The following DOCK2 variants were observed in gnomAD, a reference collection of about 807,000 sequenced individuals.
DOCK2 encodes dedicator of cytokinesis 2.
In DOCK2, 87 loss-of-function variants were observed where a neutral mutation model predicts 248.9. That is an observed-to-expected ratio of 0.35 (90% CI 0.29 to 0.42). DOCK2 has a LOEUF of 0.42. DOCK2 is among the 10% of genes least tolerant of loss of function. The pLI is 1.00. For missense variants in DOCK2, 1,747 were observed against 2,300.2 expected, an observed-to-expected ratio of 0.76 and a Z score of 4.92; for synonymous variants, 805 against 821.6, an observed-to-expected ratio of 0.98 and a Z score of 0.35.
At chr5:169,651,062 A>T (rs532052700) in intron 1 of DOCK2, among the ~76,000 whole-genome samples, 2 of 152,310 alleles carry the variant, frequency 1.3e-5, no homozygotes, top group South Asian at 4.1e-4. Context: ...GAGAGTGGTT[A>T]GGCCCATCTT....
At chr5:169,783,464 G>A (rs1765819296) in intron 25 of DOCK2, among the ~76,000 whole-genome samples, 1 of 152,100 alleles carries the variant, frequency 6.6e-6, no homozygotes, top group Non-Finnish European at 1.5e-5. Flanking sequence ...TTATAGTGGG[G>A]TTAAATGTGA....
At chr5:169,787,419 C>T (rs1412798320) in intron 25 of DOCK2, among the ~76,000 whole-genome samples, 1 of 152,188 alleles carries the variant, frequency 6.6e-6, no homozygotes, top group Non-Finnish European at 1.5e-5. Flanking sequence ...AAGTCATTGA[C>T]TGTTACTCCC....
At chr5:169,844,710 T>G (rs1170604307) in intron 27 of DOCK2, among the ~76,000 whole-genome samples, 2 of 151,740 alleles carry the variant, frequency 1.3e-5, no homozygotes, top group Non-Finnish European at 2.9e-5. Context: ...TGAATGATAT[T>G]GATCACATTT....
At chr5:169,934,371 C>G (rs778099364) in intron 27 of DOCK2, among the ~76,000 whole-genome samples, 3 of 152,160 alleles carry the variant, frequency 2.0e-5, no homozygotes, top group Non-Finnish European at 4.4e-5. Context: ...GCCAATACCA[C>G]CCTGTGTTGT....
intron 22 of DOCK2, among the ~76,000 whole-genome samples, chr5:169,746,093 G>A (rs1464373136): frequency 6.6e-6 from 1 of 152,176 alleles, no homozygotes; most frequent in African/African-American, 2.4e-5. Context: ...CTGACTTCAG[G>A]AGGGCTTTAG....
chr5:169,726,763 A>C (rs1172671026), intron 22 of DOCK2, among the ~76,000 whole-genome samples: 1 of 152,216 alleles, frequency 6.6e-6, no homozygotes, highest in East Asian at 1.9e-4. Flanking sequence ...CAATCAAATC[A>C]CAGTTGCCTG....
At chr5:169,943,387 G>C (rs543405580) in intron 27 of DOCK2, among the ~76,000 whole-genome samples, 5 of 151,926 alleles carry the variant, frequency 3.3e-5, no homozygotes, top group African/African-American at 1.2e-4. Flanking sequence ...TGTGGCCCGC[G>C]GGCCATATTC....
intron 33 of DOCK2, among the ~76,000 whole-genome samples, chr5:170,023,007 C>G (rs6884677): frequency 0.2 from 30,411 of 152,154 alleles, 4,313 homozygotes; most frequent in African/African-American, 0.4. Context: ...GCCCCGAGTA[C>G]ACCAGCTGTC....
At chr5:170,011,520 TC>T (rs1755293925) in intron 32 of DOCK2, among the ~76,000 whole-genome samples, 1 of 152,062 alleles carries the variant, frequency 6.6e-6, no homozygotes, top group East Asian at 1.9e-4. Flanking sequence ...GCTGCCTTAA[TC>T]AGAGAAGGTA....
At chr5:169,837,591 C>G (rs1035374012) in intron 26 of DOCK2, among the ~76,000 whole-genome samples, 1 of 152,114 alleles carries the variant, frequency 6.6e-6, no homozygotes, top group African/African-American at 2.4e-5. Flanking sequence ...TATATACCAA[C>G]CCCCAGTATC....
intron 27 of DOCK2, among the ~76,000 whole-genome samples, chr5:169,898,288 G>T (rs1773725266): frequency 6.6e-6 from 1 of 152,160 alleles, no homozygotes. Context: ...CTTGGGAAGG[G>T]CCATATATTG....
At chr5:169,975,452 G>C (rs1777681038) in intron 27 of DOCK2, among the ~76,000 whole-genome samples, 1 of 152,160 alleles carries the variant, frequency 6.6e-6, no homozygotes, top group Non-Finnish European at 1.5e-5. Flanking sequence ...TCAGACTGCT[G>C]CCTGTCTCTC....
rs74662371 is a variant in DOCK2, at chr5:169,747,761, G to A, written c.2376+257G>A. On this transcript the variant is annotated intron_variant, in intron 23 of 51. Transcript: ENST00000520908. ...TACCTAGAAGGAAATTAGTCAAACC[G>A]GATCCACTTCCAATGGAGAGAACAG... Among the ~76,000 whole-genome samples the A allele has an allele frequency of 3.7e-3, 562 of 152,222 alleles. 3 individuals carry two copies. The highest frequency in any genetic ancestry group is 0.013 in the African/African-American group (537 of 41,540).
At chr5:170,077,923 C>A (rs1281723871) in intron 48 of DOCK2, 86 bp downstream of exon 48, 2 of 1,120,474 alleles carry the variant, frequency 1.8e-6, no homozygotes, top group Non-Finnish European at 2.6e-6. Flanking sequence ...CCGGCAACAT[C>A]CCTTCTACCT....
intron 27 of DOCK2, among the ~76,000 whole-genome samples, chr5:169,957,368 C>T (rs115066642): frequency 3.2e-4 from 48 of 152,352 alleles, no homozygotes; most frequent in African/African-American, 1.1e-3. Flanking sequence ...ACAAAATAGA[C>T]AAAGTACTTA....
chr5:170,029,773 C>T (rs1304756917), intron 34 of DOCK2, among the ~76,000 whole-genome samples: 5 of 152,232 alleles, frequency 3.3e-5, no homozygotes, highest in African/African-American at 1.2e-4. Flanking sequence ...TTTCTTCAAT[C>T]CTTTTTGAAT....
At chr5:169,671,747 A>G (rs1398494723) in intron 5 of DOCK2, among the ~76,000 whole-genome samples, 1 of 152,226 alleles carries the variant, frequency 6.6e-6, no homozygotes, top group African/African-American at 2.4e-5. Flanking sequence ...GCTGAGAGTG[A>G]AAATGTCAAC....
intron 26 of DOCK2, among the ~76,000 whole-genome samples, chr5:169,822,802 A>C (rs1189617469): frequency 6.6e-6 from 1 of 152,216 alleles, no homozygotes; most frequent in East Asian, 1.9e-4. Context: ...GACACAAAAA[A>C]ACCCTTCAAA....
intron 26 of DOCK2, among the ~76,000 whole-genome samples, chr5:169,834,834 C>T (rs576797034): frequency 3.3e-5 from 5 of 152,346 alleles, no homozygotes; most frequent in South Asian, 4.1e-4. Flanking sequence ...AGGAACAATG[C>T]TCACATAGAA....
Sources: allele counts gnomAD v4.1 joint callset (sites outside exome capture counted in the v4.1 genomes callset), GRCh38; gene constraint gnomAD v4.1.1; transcripts MANE v1.5; gene names NCBI Gene and HGNC (gene_info 2026-07-23, HGNC 2026-07-21).